CDH4: variants seen among roughly 807,000 people sequenced by gnomAD.
CDH4 encodes the protein cadherin 4, also known as cadherin-4.
A neutral mutation model predicts 86.0 loss-of-function variants in CDH4; 33 were observed. The ratio of observed to expected loss-of-function variants is 0.38; its 90% CI spans 0.29 to 0.51. The LOEUF is 0.51. CDH4 is among the 20% of genes least tolerant of loss of function. The pLI, the probability that CDH4 is intolerant of heterozygous loss-of-function variation, is 0.86. For synonymous variants in CDH4, 555 were observed against 549.4 expected (o/e 1.01, Z -0.14); for missense variants, 1,114 against 1,307.4 (o/e 0.85, Z 2.28).
intron 2 of CDH4, among the ~76,000 whole-genome samples, chr20:61,694,407 G>A (rs575188576): frequency 2.0e-5 from 3 of 152,238 alleles, no homozygotes; most frequent in East Asian, 1.9e-4. Flanking sequence ...AAATCACTTC[G>A]CAGGGTGGTC....
intron 8 of CDH4, among the ~76,000 whole-genome samples, chr20:61,899,087 G>C (rs1391948968): frequency 6.6e-6 from 1 of 152,048 alleles, no homozygotes; most frequent in Non-Finnish European, 1.5e-5. Flanking sequence ...ACGAGGTCCG[G>C]AGTTCAAGAC....
In CDH4 at chr20:61,829,573, C is replaced by G. The variant is rs569874421; in HGVS notation, c.577-15095C>G. Among the ~76,000 whole-genome samples, 8 of 152,342 alleles carry G rather than the reference C, an allele frequency of 5.3e-5. No homozygotes were observed. The highest frequency in any genetic ancestry group is 1.7e-4 in the African/African-American group (7 of 41,584). On this transcript the variant is annotated intron_variant, in intron 4 of 15. Coordinates refer to ENST00000614565, the MANE Select transcript of CDH4 (RefSeq NM_001794.5). The surrounding 1 kb of genome is among the most constrained non-coding windows in gnomAD (Gnocchi z 4.2). ...GCTCGCCTTTCTGGAGGCCACGAGC[C>G]TGTTTTCCACGGCGGCTCTGCGGGC...
In CDH4 at chr20:61,668,742, A is replaced by G. The variant is rs986652200; in HGVS notation, c.170-74821A>G. The stretch of plus-strand genomic sequence containing the variant: ...AGAGAAGGTTGCACTGCATGTCTGC[A>G]CTCCAGGGGGATGCTGGTTCCAGGC... On this transcript the variant is annotated intron_variant, in intron 2 of 15. Coordinates refer to ENST00000614565, the MANE Select transcript of CDH4 (RefSeq NM_001794.5). Among the ~76,000 whole-genome samples the G allele has an allele frequency of 2.0e-5, 3 of 152,266 alleles. No individual in the cohort carries two copies. The South Asian group carries it at 6.2e-4, about 32-fold the overall frequency.
At chr20:61,830,989 G>A (rs1379408105) in intron 4 of CDH4, among the ~76,000 whole-genome samples, 1 of 152,194 alleles carries the variant, frequency 6.6e-6, no homozygotes, top group Non-Finnish European at 1.5e-5. Flanking sequence ...AGCTCTGAAG[G>A]CCTCGAGGGC....
chr20:61,287,805 C>A (rs1181949700), intron 2 of CDH4, among the ~76,000 whole-genome samples: 2 of 152,186 alleles, frequency 1.3e-5, no homozygotes, highest in African/African-American at 4.8e-5. Context: ...CAGGAAGCAT[C>A]CATTGTGGGA....
At chr20:61,642,482 G>A (rs142974262) in intron 2 of CDH4, among the ~76,000 whole-genome samples, 1 of 152,330 alleles carries the variant, frequency 6.6e-6, no homozygotes, top group Non-Finnish European at 1.5e-5. Context: ...GAACAGAGAG[G>A]TGGCCAGAGC....
chr20:61,464,613 G>A (rs2145562420), intron 2 of CDH4, among the ~76,000 whole-genome samples: 1 of 152,338 alleles, frequency 6.6e-6, no homozygotes, highest in Non-Finnish European at 1.5e-5. Context: ...GGACACAGAT[G>A]TTCTCCCTGG....
chr20:61,421,231 G>A (rs926099126), intron 2 of CDH4, among the ~76,000 whole-genome samples: 1 of 152,176 alleles, frequency 6.6e-6, no homozygotes, highest in Non-Finnish European at 1.5e-5. Context: ...GCGTGCATTT[G>A]TAAGAGTCCC....
chr20:61,838,349 G>C (rs1166890089), intron 4 of CDH4, among the ~76,000 whole-genome samples: 2 of 152,120 alleles, frequency 1.3e-5, no homozygotes, highest in Non-Finnish European at 2.9e-5. Context: ...GCTGTGCAAT[G>C]CAGGCAGGGG....
chr20:61,394,911 G>A (rs938125587), intron 2 of CDH4, among the ~76,000 whole-genome samples: 5 of 135,192 alleles, frequency 3.7e-5, no homozygotes, highest in East Asian at 4.8e-4. Flanking sequence ...CCCCCACCCC[G>A]CCCAGCAGTG....
chr20:61,283,358 T>C (rs1413610315), intron 2 of CDH4, among the ~76,000 whole-genome samples: 5 of 145,302 alleles, frequency 3.4e-5, no homozygotes, highest in African/African-American at 1.3e-4. Context: ...ACGCGCGTGC[T>C]GTGGCGTGTG....
intron 2 of CDH4, among the ~76,000 whole-genome samples, chr20:61,657,537 G>C (rs1041645748): frequency 6.6e-6 from 1 of 152,190 alleles, no homozygotes; most frequent in African/African-American, 2.4e-5. Context: ...AGGCAGATAA[G>C]TAGTCTTCCA....
At chr20:61,422,424 CAAAAAAAAAAAAAAAAAAAAAAAAAAAAA>C (rs869235928) in intron 2 of CDH4, among the ~76,000 whole-genome samples, 1 of 22,234 alleles carries the variant, frequency 4.5e-5, no homozygotes, top group Non-Finnish European at 8.1e-5. Context: ...AACTCCGTCT[CAAAAAAAAAAAAAAAAAAAAAAAAAAAAA>C]AAAAAAAAAA....
chr20:61,422,950 T>G (rs1568838630), intron 2 of CDH4, among the ~76,000 whole-genome samples: 1 of 152,126 alleles, frequency 6.6e-6, no homozygotes, highest in African/African-American at 2.4e-5. Context: ...GATAAGGGAT[T>G]TTTTATTGGG....
chr20:61,577,747 G>A (rs908065668), intron 2 of CDH4, among the ~76,000 whole-genome samples: 6 of 152,142 alleles, frequency 3.9e-5, no homozygotes, highest in Non-Finnish European at 8.8e-5. Flanking sequence ...CTTCTCCTTG[G>A]TTGATTAAAT....
At chr20:61,654,209 G>T (rs752786386) in intron 2 of CDH4, among the ~76,000 whole-genome samples, 108 of 152,294 alleles carry the variant, frequency 7.1e-4, no homozygotes, top group Middle Eastern at 3.4e-3. Flanking sequence ...GATCACTCGC[G>T]GTTAGGAGCT....
intron 2 of CDH4, among the ~76,000 whole-genome samples, chr20:61,637,290 A>G (rs2086957722): frequency 6.6e-6 from 1 of 152,084 alleles, no homozygotes; most frequent in South Asian, 2.1e-4. Context: ...TATCTGTTTA[A>G]CCGTTCTTAG....
At chr20:61,336,726 C>T (rs35471580) in intron 2 of CDH4, among the ~76,000 whole-genome samples, 56,930 of 151,962 alleles carry the variant, frequency 0.37, 10,725 homozygotes, top group East Asian at 0.5. Flanking sequence ...GTCGATTGCC[C>T]AATTCATTGA....
chr20:61,802,706 C>T (rs904020758), intron 4 of CDH4, among the ~76,000 whole-genome samples: 1 of 152,242 alleles, frequency 6.6e-6, no homozygotes, highest in African/African-American at 2.4e-5. Context: ...GGAGCTGCCT[C>T]CCAGCCTGGG....
Sources: gnomAD v4.1 joint callset for allele counts (sites outside exome capture counted in the v4.1 genomes callset) on GRCh38, gnomAD v4.1.1 for gene constraint, Gnocchi (gnomAD v3.1) non-coding constraint, MANE v1.5 for transcripts, NCBI Gene and HGNC (gene_info 2026-07-23, HGNC 2026-07-21) for gene names.